Variants in MTIF3 observed in about 807,000 individuals in gnomAD.
MTIF3 encodes the protein translation initiation factor IF-3, mitochondrial.
Under a neutral mutation model 20.7 loss-of-function variants are expected in MTIF3, and 13 were observed. That is an observed-to-expected ratio of 0.63 (90% CI 0.41 to 1.00). The LOEUF is 1.00. Ranked by LOEUF, MTIF3 falls within the 50% of genes least tolerant of loss-of-function variation. The pLI is 0.00. For synonymous variants in MTIF3, 114 were observed against 112.5 expected (o/e 1.01, Z -0.08); for missense variants, 295 against 324.5 (o/e 0.91, Z 0.70).
intron 4 of MTIF3, among the ~76,000 whole-genome samples, chr13:27,436,604 TGTG>T (rs948214122): frequency 2.6e-5 from 4 of 152,248 alleles, no homozygotes; most frequent in Non-Finnish European, 5.9e-5. Flanking sequence ...TAAGGAATAA[TGTG>T]TTCATATGGC....
Position 27,435,691 on chromosome 13 carries a change from T to A in MTIF3, c.821A>T (p.Asn274Ile). 1 of 1,614,010 alleles carries A rather than the reference T, an allele frequency of 6.2e-7. No individual in the cohort carries two copies. The change falls in exon 5 of 5, where the codon AAT becomes ATT. Residue 274 changes from asparagine to isoleucine, a missense_variant. Asn to Ile is a moderately radical substitution (Grantham distance 149). Transcript: ENST00000381120. Reference protein sequence around the residue: ...NKDHGNDKESNVLHQ With the variant: ...NKDHGNDKESIVLHQ Reference sequence around the variant, plus strand: ...TTATTAAAATTACTGATGCAGAACATTTGATTCCTTATCATTTCCATGGTC... The same window carrying A: ...TTATTAAAATTACTGATGCAGAACAATTGATTCCTTATCATTTCCATGGTC...
rs893909174 is a variant in MTIF3 at position 27,448,549 on chromosome 13, T to A, written c.-71+1960A>T. Among the ~76,000 whole-genome samples the A allele has an allele frequency of 2.0e-5, 3 of 152,314 alleles. No individual in the cohort carries two copies. In the East Asian group the frequency reaches 5.8e-4, roughly 29 times the overall value. On this transcript the variant is annotated intron_variant, in intron 1 of 4. Coordinates refer to ENST00000381120, the MANE Select transcript of MTIF3 (RefSeq NM_152912.5). ...CCTTGGCTCTGGTTTTGCTCTTCCA[T>A]AGGGAGCACAAAGTGTACTCTCCAT...
intron 3 of MTIF3, 32 bp from the exon 4 acceptor site, chr13:27,437,305 C>T (rs555161587): frequency 6.3e-7 from 1 of 1,595,454 alleles, no homozygotes; most frequent in African/African-American, 1.3e-5. Context: ...GCAAGGACTA[C>T]TGACTAGTCC....
At position 27,437,185 on chromosome 13, in the gene MTIF3, A is replaced by G. The variant is rs574697508; in HGVS notation, c.549T>C (p.Ile183=). 470 of 1,613,916 alleles carry G rather than the reference A, an allele frequency of 2.9e-4. 3 individuals carry two copies. The South Asian group carries it at 4.7e-3, about 16-fold the overall frequency. ...DTKTKQIQQW[I]KKKHLVQITI... ...TAATCTGGACTAGGTGTTTTTTCTT[A>G]ATCCACTGCTGAATCTGTTTAGTCT... The change falls in exon 4 of 5, where the codon ATT becomes ATC. Residue 183 remains isoleucine (I), a synonymous_variant. Coordinates refer to ENST00000381120, the MANE Select transcript of MTIF3 (RefSeq NM_152912.5).
At chr13:27,442,188 TGTAA>T (rs1375379744) in intron 2 of MTIF3, among the ~76,000 whole-genome samples, 1 of 152,234 alleles carries the variant, frequency 6.6e-6, no homozygotes, top group Non-Finnish European at 1.5e-5. Flanking sequence ...CCCTGTCTCA[TGTAA>T]TTGCAACACA....
Position 27,444,211 on chromosome 13 carries a change from CAGG to C in MTIF3, c.-2+874_-2+876del, listed in dbSNP as rs1429435986. ...GTCCCGGCTACTCGGGAGGCTGAGG[CAGG>C]AGAATGGCGTGAACCCGGGAGGCGG... On this transcript the variant is annotated intron_variant, in intron 2 of 4. Transcript: ENST00000381120. 2.6e-5 allele frequency among the ~76,000 whole-genome samples: 4 copies of C among 151,850 alleles called. No individual in the cohort carries two copies. In the East Asian group the frequency reaches 5.8e-4, roughly 22 times the overall value.
chr13:27,437,575 C>CTTGG (rs1455769705), intron 3 of MTIF3, among the ~76,000 whole-genome samples: 1 of 152,218 alleles, frequency 6.6e-6, no homozygotes, highest in African/African-American at 2.4e-5. Context: ...TCATGGTGCA[C>CTTGG]TTAACATCCT....
At chr13:27,437,706 A>G (rs555098359) in intron 3 of MTIF3, among the ~76,000 whole-genome samples, 8 of 152,282 alleles carry the variant, frequency 5.3e-5, no homozygotes, top group Middle Eastern at 3.4e-3. Context: ...TCCTGTGTTC[A>G]TGCCCTCTGT....
intron 1 of MTIF3, among the ~76,000 whole-genome samples, chr13:27,447,822 G>A (rs780575223): frequency 1.3e-5 from 2 of 152,164 alleles, no homozygotes; most frequent in Non-Finnish European, 2.9e-5. Context: ...ATTCATTCAC[G>A]TTGTACGGAT....
intron 2 of MTIF3, among the ~76,000 whole-genome samples, chr13:27,440,826 G>A (rs779635511): frequency 1.3e-5 from 2 of 151,756 alleles, no homozygotes; most frequent in Non-Finnish European, 2.9e-5. Flanking sequence ...TTGAAAATCT[G>A]TGTATAACTT....
At chr13:27,450,277 A>T (rs942019274) in intron 1 of MTIF3, 7 of 152,296 alleles carry the variant, frequency 4.6e-5, no homozygotes, top group Non-Finnish European at 1.0e-4. Flanking sequence ...CGGCAACTCT[A>T]GGTCTAACAT....
Position 27,440,169 on chromosome 13 carries a change from C to T in MTIF3, c.280G>A (p.Gly94Ser), listed in dbSNP as rs1425880647. The change falls in exon 3 of 5, where the codon GGC (glycine) becomes AGC (serine). Residue 94 changes from glycine to serine, a missense_variant. Coordinates refer to ENST00000381120, the MANE Select transcript of MTIF3 (RefSeq NM_152912.5). ...CGGTGCATGTTTCCCAAATCATTGC[C>T]CTTCTCATCAAATAAGTGAATAACT... The part of the protein sequence containing the change: ...QRVIHLFDEK[G>S]NDLGNMHRAN... 5.0e-6 allele frequency: 8 copies of T among 1,614,064 alleles called. No homozygotes were observed. The highest frequency in any genetic ancestry group is 5.9e-6 in the Non-Finnish European group (7 of 1,180,050).
chr13:27,438,876 C>T (rs1051853819), intron 3 of MTIF3, among the ~76,000 whole-genome samples: 3 of 151,852 alleles, frequency 2.0e-5, no homozygotes, highest in Admixed American at 6.6e-5. Context: ...TTCCAGTCAA[C>T]ATCCTTGTTA....
intron 4 of MTIF3, 97 bp downstream of exon 4, chr13:27,437,019 G>A (rs915595781): frequency 1.5e-6 from 2 of 1,292,248 alleles, no homozygotes; most frequent in Non-Finnish European, 2.1e-6. Context: ...CCAAAATGCT[G>A]GGATTACAGG....
Position 27,437,041 on chromosome 13 carries a change from G to A in MTIF3, c.618+75C>T, listed in dbSNP as rs537754593. The A allele has an allele frequency of 5.3e-5, 79 of 1,486,996 alleles. No individual in the cohort carries two copies. In the Admixed American group the frequency reaches 1.0e-3, roughly 19 times the overall value. 92.1% of individuals were successfully genotyped at this position (1,486,996 alleles called of 1,614,324 possible). On this transcript the variant is annotated intron_variant, in intron 4 of 4. Transcript: ENST00000381120. Reference sequence around the variant, plus strand: ...GCTGGGATTACAGGCGTGAGCCACCGCGCCTGGCCTACAATTGTATTTTTA... The same window carrying A: ...GCTGGGATTACAGGCGTGAGCCACCACGCCTGGCCTACAATTGTATTTTTA...
At position 27,440,292 on chromosome 13, in the gene MTIF3, T is replaced by C. The variant is rs781006192; in HGVS notation, c.157A>G (p.Lys53Glu). 1 of 1,614,200 alleles carries C rather than the reference T, an allele frequency of 6.2e-7. No individual in the cohort carries two copies. The change falls in exon 3 of 5, where the codon AAA becomes GAA. Residue 53 changes from lysine to glutamate, a missense_variant. Transcript: ENST00000381120. ...GTGTCTTCAGCGGTACTAAAGGCTT[T>C]TGCATGAATTAGGAAGGAGAGTCTT... ...APRLSFLIHAKAFSTAEDTQN... is the reference protein window; with the variant it reads ...APRLSFLIHAEAFSTAEDTQN...
At chr13:27,447,588 T>C (rs1203073495) in intron 1 of MTIF3, among the ~76,000 whole-genome samples, 1 of 152,244 alleles carries the variant, frequency 6.6e-6, no homozygotes, top group Non-Finnish European at 1.5e-5. Flanking sequence ...ACTCAGACTT[T>C]ATCTGAGTTT....
intron 1 of MTIF3, among the ~76,000 whole-genome samples, chr13:27,447,224 T>G (rs1165397538): frequency 2.2e-5 from 3 of 138,554 alleles, no homozygotes; most frequent in African/African-American, 8.2e-5. Flanking sequence ...AAGATGAACT[T>G]TAAGAAAAAG....
At chr13:27,437,810 A>T (rs1296755420) in intron 3 of MTIF3, among the ~76,000 whole-genome samples, 1 of 152,198 alleles carries the variant, frequency 6.6e-6, no homozygotes, top group Non-Finnish European at 1.5e-5. Flanking sequence ...GATGACAAAA[A>T]GTTAGGTCTC....
Sources: gnomAD v4.1 joint callset for allele counts (sites outside exome capture counted in the v4.1 genomes callset) on GRCh38, gnomAD v4.1.1 for gene constraint, MANE v1.5 for transcripts, NCBI Gene and HGNC (gene_info 2026-07-23, HGNC 2026-07-21) for gene names.